The following BTBD7 variants were observed in gnomAD, a reference collection of about 807,000 sequenced individuals.
The protein encoded by BTBD7 is BTB/POZ domain-containing protein 7.
A neutral mutation model predicts 99.9 loss-of-function variants in BTBD7; 38 were observed. The observed-to-expected ratio is 0.38, with a 90% confidence interval of 0.29 to 0.50. The LOEUF (loss-of-function observed/expected upper bound fraction) is 0.50. BTBD7 is among the 20% of genes least tolerant of loss of function. BTBD7 has a pLI of 0.93. For synonymous variants in BTBD7, 520 were observed against 511.4 expected (o/e 1.02, Z -0.23); for missense variants, 1,170 against 1,394.6 (o/e 0.84, Z 2.57).
intron 7 of BTBD7, 108 bp from the exon 8 acceptor site, chr14:93,251,760 C>G: frequency 9.7e-7 from 1 of 1,027,798 alleles, no homozygotes; most frequent in South Asian, 3.5e-5. Flanking sequence ...TAATTTATTT[C>G]TATTTTATAA....
intron 1 of BTBD7, among the ~76,000 whole-genome samples, chr14:93,297,262 T>C (rs1478061963): frequency 6.6e-6 from 1 of 152,248 alleles, no homozygotes; most frequent in Non-Finnish European, 1.5e-5. Context: ...TATGAATTCA[T>C]GTTTAAAAAT....
rs540725540 is a variant in BTBD7 at position 93,246,780 on chromosome 14, T to A, written c.2122-494A>T. Reference sequence around the variant, plus strand: ...TTTTGGTAAACATTATAAAAGAATATGTCATGCAATTTAAGGTACCAAATT... The same window carrying A: ...TTTTGGTAAACATTATAAAAGAATAAGTCATGCAATTTAAGGTACCAAATT... On this transcript the variant is annotated intron_variant, in intron 9 of 10. Transcript: ENST00000334746. 2.7e-3 allele frequency among the ~76,000 whole-genome samples: 418 copies of A among 152,352 alleles called. 1 individual carries two copies. Among genetic ancestry groups the A allele is most frequent in the Non-Finnish European group, 4.9e-3 (335 of 68,034 alleles).
At chr14:93,250,053 A>C (rs145218316) in intron 8 of BTBD7, among the ~76,000 whole-genome samples, 103 of 152,336 alleles carry the variant, frequency 6.8e-4, no homozygotes, top group African/African-American at 2.4e-3. Flanking sequence ...GAGGAAATTA[A>C]TGTTCAGGAA....
At chr14:93,304,209 A>C (rs2053042040) in intron 1 of BTBD7, among the ~76,000 whole-genome samples, 1 of 152,250 alleles carries the variant, frequency 6.6e-6, no homozygotes, top group Admixed American at 6.5e-5. Context: ...TGAGCCCGGC[A>C]CACAATATTT....
chr14:93,292,323 C>T (rs1011525692), intron 3 of BTBD7, among the ~76,000 whole-genome samples: 3 of 151,564 alleles, frequency 2.0e-5, no homozygotes, highest in Admixed American at 2.0e-4. Flanking sequence ...ATGTTGCAAA[C>T]TTCAAATTTT....
At chr14:93,301,192 A>T (rs61991742) in intron 1 of BTBD7, among the ~76,000 whole-genome samples, 2 of 151,250 alleles carry the variant, frequency 1.3e-5, no homozygotes, top group Admixed American at 1.3e-4. Flanking sequence ...CTGTCTTTCC[A>T]AATTTTTTTT....
Position 93,311,745 on chromosome 14 carries a change from A to ATT in BTBD7, c.-106-15590_-106-15589dup, listed in dbSNP as rs5810628. 8.3e-4 allele frequency among the ~76,000 whole-genome samples: 119 copies of ATT among 142,586 alleles called. 1 individual carries two copies. Among genetic ancestry groups the ATT allele is most frequent in the African/African-American group, 1.5e-3 (54 of 37,222 alleles). The allele number at this position is 142,586 out of a possible 152,430, so 93.5% of individuals were successfully genotyped here. ...AATATGATCCATGAAAATATTTTTA[A>ATT]TTTTTTTTTTTTTTTACAATTCTTT... On this transcript the variant is annotated intron_variant, in intron 1 of 10. Transcript: ENST00000334746.
At chr14:93,315,916 C>A (rs1162376263) in intron 1 of BTBD7, among the ~76,000 whole-genome samples, 1 of 150,574 alleles carries the variant, frequency 6.6e-6, no homozygotes, top group Non-Finnish European at 1.5e-5. Flanking sequence ...TGTACTTCCA[C>A]TTCTCTTAAG....
intron 3 of BTBD7, among the ~76,000 whole-genome samples, chr14:93,291,376 G>A (rs1170888963): frequency 6.6e-6 from 1 of 152,078 alleles, no homozygotes; most frequent in East Asian, 1.9e-4. Flanking sequence ...CTTGGTTAAG[G>A]TCAAACTAAG....
chr14:93,240,091 AC>A lies in BTBD7; in HGVS notation c.*2181del, dbSNP rs1387894492. ...TCTTCTATTATGAGTCAAACTTCTT[AC>A]AAATGAGAACAGAGGCCTATGCTTT... is the stretch of plus-strand genomic sequence containing the variant. On this transcript the variant is annotated 3_prime_UTR_variant, in exon 11 of 11. Coordinates refer to ENST00000334746, the MANE Select transcript of BTBD7 (RefSeq NM_001002860.4). 2 of 152,234 alleles carry A rather than the reference AC, an allele frequency of 1.3e-5. No individual in the cohort carries two copies. The highest frequency in any genetic ancestry group is 4.8e-5 in the African/African-American group (2 of 41,460). The allele number at this position is 152,234 out of a possible 1,614,324, so 9.4% of individuals were successfully genotyped here. A position where few individuals can be genotyped will look rare whatever the true frequency, so the allele number is the denominator to read the frequency against.
chr14:93,302,775 G>A (rs924703974), intron 1 of BTBD7, among the ~76,000 whole-genome samples: 1 of 152,024 alleles, frequency 6.6e-6, no homozygotes, highest in Non-Finnish European at 1.5e-5. Flanking sequence ...AACCCAGGAG[G>A]ACGAGATTGC....
At chr14:93,261,835 T>G (rs2052492602) in intron 4 of BTBD7, among the ~76,000 whole-genome samples, 158 bp from the exon 5 acceptor site, 1 of 152,230 alleles carries the variant, frequency 6.6e-6, no homozygotes, top group African/African-American at 2.4e-5. Context: ...CTGTGGTCCA[T>G]CAACAGGAAA....
At chr14:93,274,192 T>C (rs896128530) in intron 3 of BTBD7, among the ~76,000 whole-genome samples, 3 of 152,234 alleles carry the variant, frequency 2.0e-5, no homozygotes, top group Non-Finnish European at 2.9e-5. Context: ...TGTAGAGGTG[T>C]GGCTGGCCAC....
intron 1 of BTBD7, among the ~76,000 whole-genome samples, 195 bp from the exon 2 acceptor site, chr14:93,296,352 G>A (rs557890554): frequency 2.0e-5 from 3 of 152,062 alleles, no homozygotes; most frequent in Admixed American, 1.3e-4. Context: ...GCCATAAAAT[G>A]TACCAATTAT....
At chr14:93,283,646 G>A (rs898432982) in intron 3 of BTBD7, among the ~76,000 whole-genome samples, 2 of 152,172 alleles carry the variant, frequency 1.3e-5, no homozygotes, top group African/African-American at 2.4e-5. Context: ...CCGCCTCCCT[G>A]GTTCAAGCAA....
At chr14:93,261,485 C>T (rs1369519640) in intron 5 of BTBD7, 117 bp downstream of exon 5, 10 of 811,558 alleles carry the variant, frequency 1.2e-5, no homozygotes, top group East Asian at 2.5e-5. Context: ...GTAAAAACTT[C>T]CATTTTCACC....
chr14:93,262,706 A>G (rs2052502661), intron 4 of BTBD7, among the ~76,000 whole-genome samples: 1 of 152,096 alleles, frequency 6.6e-6, no homozygotes, highest in African/African-American at 2.4e-5. Context: ...GTGAAGCACA[A>G]TCTGTGAAAT....
intron 3 of BTBD7, among the ~76,000 whole-genome samples, chr14:93,273,403 C>T (rs1480006303): frequency 6.6e-6 from 1 of 152,198 alleles, no homozygotes; most frequent in Non-Finnish European, 1.5e-5. Context: ...AGGTCAGTGT[C>T]TGAAAAGACC....
At position 93,242,783 on chromosome 14, in the gene BTBD7, G is replaced by A; in HGVS notation, c.2889C>T (p.Arg963=). 6.2e-7 allele frequency: 1 copy of A among 1,614,210 alleles called. No homozygotes were observed. The highest frequency in any genetic ancestry group is 8.5e-7 in the Non-Finnish European group (1 of 1,180,046). Residue 963 remains arginine, a synonymous_variant, in exon 11 of 11, where the codon CGC becomes CGT. Coordinates refer to ENST00000334746, the MANE Select transcript of BTBD7 (RefSeq NM_001002860.4). ...CRPSTPALSR[R]TPSPSQGGYF... is the part of the protein sequence containing the mutation. ...ATCCACCTTGCGAAGGGGAAGGGGTGCGTCTGCTGAGAGCAGGAGTAGAAG... is the reference window on the plus strand; with the variant it reads ...ATCCACCTTGCGAAGGGGAAGGGGTACGTCTGCTGAGAGCAGGAGTAGAAG...
Sources: gnomAD v4.1 joint callset for allele counts (sites outside exome capture counted in the v4.1 genomes callset) on GRCh38, gnomAD v4.1.1 for gene constraint, MANE v1.5 for transcripts, NCBI Gene and HGNC (gene_info 2026-07-23, HGNC 2026-07-21) for gene names.